GPHN: variants seen among roughly 807,000 people sequenced by gnomAD.
GPHN encodes the protein gephyrin.
A neutral mutation model predicts 95.5 loss-of-function variants in GPHN; 17 were observed. The observed-to-expected ratio is 0.18, with a 90% CI of 0.12 to 0.27. The LOEUF (loss-of-function observed/expected upper bound fraction) is 0.27, where lower values mean the gene tolerates loss of function less well. Among genes scored for constraint, GPHN ranks in the 10% least tolerant of loss-of-function variants. The probability of loss-of-function intolerance (pLI) is 1.00; values close to 1 mark genes in which losing one functional copy is unlikely to be tolerated. For missense variants in GPHN, 660 were observed against 978.1 expected, an observed-to-expected ratio of 0.67 and a Z score of 4.34; for synonymous variants, 320 against 322.5, an observed-to-expected ratio of 0.99 and a Z score of 0.08.
chr14:66,910,971 G>T (rs1373010723), intron 5 of GPHN, among the ~76,000 whole-genome samples: 1 of 151,938 alleles, frequency 6.6e-6, no homozygotes, highest in Non-Finnish European at 1.5e-5. Flanking sequence ...CACAAACACA[G>T]TGTTGAGTGA....
At chr14:67,473,314 T>C in the GPHN span, 1 of 1,482,318 alleles carries the variant, frequency 6.7e-7, no homozygotes, top group Non-Finnish European at 9.2e-7. This position sits in a 1 kb window ranked among gnomAD's most constrained non-coding sequence, Gnocchi z 6.5. Context: ...GGCTGAGGCT[T>C]GGCCGGAGCA....
At chr14:67,166,879 G>A (rs941068695) in intron 20 of GPHN, among the ~76,000 whole-genome samples, 3 of 151,960 alleles carry the variant, frequency 2.0e-5, no homozygotes, top group South Asian at 2.1e-4. Context: ...CATGTTGCCC[G>A]GGCTGGTCTC....
chr14:67,076,707 A>G (rs10144870), intron 11 of GPHN, among the ~76,000 whole-genome samples: 10,207 of 152,260 alleles, frequency 0.067, 653 homozygotes, highest in African/African-American at 0.17. Flanking sequence ...TTGCAGCATC[A>G]ATGCCGTTAC....
chr14:67,544,204 G>T, the GPHN span, among the ~76,000 whole-genome samples: 1 of 152,164 alleles, frequency 6.6e-6, no homozygotes. Flanking sequence ...ACTGGCACAG[G>T]AGATGACAAT....
At chr14:66,950,311 G>C (rs556310271) in intron 8 of GPHN, among the ~76,000 whole-genome samples, 1 of 152,184 alleles carries the variant, frequency 6.6e-6, no homozygotes, top group South Asian at 2.1e-4. Flanking sequence ...GCTCAAGGTA[G>C]ATCCTCACTA....
chr14:66,770,099 C>T (rs2059112351), intron 2 of GPHN, among the ~76,000 whole-genome samples: 1 of 152,058 alleles, frequency 6.6e-6, no homozygotes, highest in African/African-American at 2.4e-5. Flanking sequence ...AGCTTTTTCT[C>T]ATGATTGTTG....
At chr14:66,995,960 A>G (rs2071757607) in intron 9 of GPHN, among the ~76,000 whole-genome samples, 1 of 128,218 alleles carries the variant, frequency 7.8e-6, no homozygotes, top group Non-Finnish European at 1.5e-5. Flanking sequence ...AGTCATCTCC[A>G]TCATGGATTT....
chr14:67,322,476 A>G, the GPHN span, among the ~76,000 whole-genome samples: 1 of 152,204 alleles, frequency 6.6e-6, no homozygotes, highest in Non-Finnish European at 1.5e-5. Context: ...ATGTGGTAGA[A>G]TCTGCTGCTC....
At chr14:67,568,503 C>G in the GPHN span, among the ~76,000 whole-genome samples, 1 of 151,914 alleles carries the variant, frequency 6.6e-6, no homozygotes, top group African/African-American at 2.4e-5. Context: ...GGGATTAATA[C>G]CTAGGTGATG....
At chr14:67,574,600 A>C in the GPHN span, among the ~76,000 whole-genome samples, 1 of 152,194 alleles carries the variant, frequency 6.6e-6, no homozygotes, top group Admixed American at 6.5e-5. The surrounding 1 kb of genome is among the most constrained non-coding windows in gnomAD (Gnocchi z 4.2). Flanking sequence ...CCGGAAACAA[A>C]TCAGGGTTGT....
chr14:67,514,761 CT>C, the GPHN span, among the ~76,000 whole-genome samples: 24 of 152,288 alleles, frequency 1.6e-4, no homozygotes, highest in East Asian at 1.6e-3. Context: ...TCGCTTCCCC[CT>C]GACACCCCTT....
the GPHN span, among the ~76,000 whole-genome samples, chr14:67,237,130 G>T: frequency 2.6e-5 from 4 of 151,686 alleles, no homozygotes; most frequent in African/African-American, 9.7e-5. Context: ...TTATTTACTA[G>T]AACTACTATT....
intron 10 of GPHN, among the ~76,000 whole-genome samples, chr14:67,041,824 AC>A (rs1183174121): frequency 6.6e-6 from 1 of 151,928 alleles, no homozygotes; most frequent in Non-Finnish European, 1.5e-5. Context: ...ACTAATTTAC[AC>A]TCCCACTAAC....
the GPHN span, chr14:67,205,101 T>C: frequency 6.5e-7 from 1 of 1,542,056 alleles, no homozygotes. Flanking sequence ...TATGTGTCAC[T>C]GAAGACTTTC....
intron 1 of GPHN, among the ~76,000 whole-genome samples, chr14:66,536,751 G>C (rs1409259416): frequency 6.6e-6 from 1 of 152,172 alleles, no homozygotes; most frequent in East Asian, 1.9e-4. Flanking sequence ...TGGTGTTAAT[G>C]TTCTTTGTCA....
At chr14:67,622,019 C>G in the GPHN span, among the ~76,000 whole-genome samples, 11 of 152,038 alleles carry the variant, frequency 7.2e-5, no homozygotes, top group African/African-American at 2.4e-4. Flanking sequence ...ATTGCTTGAA[C>G]CTGGGAGGCA....
intron 8 of GPHN, among the ~76,000 whole-genome samples, chr14:66,959,056 GAATTAATACCAACTT>G (rs2068723690): frequency 1.3e-5 from 2 of 152,074 alleles, no homozygotes; most frequent in Admixed American, 6.6e-5. Context: ...AATGTAGTTT[GAATTAATACCAACTT>G]AGTTTCAATA....
At chr14:67,450,025 G>T in the GPHN span, 1 of 154,040 alleles carries the variant, frequency 6.5e-6, no homozygotes, top group South Asian at 2.0e-4. Flanking sequence ...TCGTGCCATT[G>T]CACTCCAGCC....
chr14:66,918,007 C>T (rs533105946), intron 6 of GPHN, among the ~76,000 whole-genome samples: 11 of 152,298 alleles, frequency 7.2e-5, no homozygotes, highest in African/African-American at 2.6e-4. Context: ...CACAAAATTG[C>T]TCATTTCTGA....
Sources: gnomAD v4.1 joint callset for allele counts (sites outside exome capture counted in the v4.1 genomes callset) on GRCh38, gnomAD v4.1.1 for gene constraint, Gnocchi (gnomAD v3.1) non-coding constraint, MANE v1.5 for transcripts, NCBI Gene and HGNC (gene_info 2026-07-23, HGNC 2026-07-21) for gene names.